Variants in DLGAP1 observed in about 807,000 individuals in gnomAD.
The protein encoded by DLGAP1 is DLG associated protein 1.
A neutral mutation model predicts 90.8 loss-of-function variants in DLGAP1; 11 were observed. That is an observed-to-expected ratio of 0.12 (90% CI 0.08 to 0.20). The LOEUF (loss-of-function observed/expected upper bound fraction) is 0.20, where lower values mean the gene tolerates loss of function less well. Among genes scored for constraint, DLGAP1 ranks in the 10% least tolerant of loss-of-function variants. DLGAP1 has a pLI of 1.00. For synonymous variants in DLGAP1, 558 were observed against 540.7 expected, an observed-to-expected ratio of 1.03 and a Z score of -0.44; for missense variants, 1,050 against 1,333.8, an observed-to-expected ratio of 0.79 and a Z score of 3.31.
At chr18:3,644,331 G>A (rs779835633) in intron 7 of DLGAP1, among the ~76,000 whole-genome samples, 3 of 152,188 alleles carry the variant, frequency 2.0e-5, no homozygotes, top group East Asian at 3.9e-4. Flanking sequence ...CTTTGACCTC[G>A]TAACTCCACT....
At chr18:3,930,320 T>C (rs927922663) in intron 3 of DLGAP1, among the ~76,000 whole-genome samples, 2 of 152,244 alleles carry the variant, frequency 1.3e-5, no homozygotes. Context: ...TACTGTGCTA[T>C]GCTCACTGCT....
chr18:4,389,274 T>A (rs565856979), intron 1 of DLGAP1, among the ~76,000 whole-genome samples: 1 of 152,332 alleles, frequency 6.6e-6, no homozygotes, highest in African/African-American at 2.4e-5. Context: ...AGATGAATAC[T>A]TTATGATTCT....
intron 1 of DLGAP1, among the ~76,000 whole-genome samples, chr18:4,207,438 G>A (rs1426448079): frequency 6.6e-6 from 1 of 152,184 alleles, no homozygotes; most frequent in Non-Finnish European, 1.5e-5. Context: ...TACAATTCAA[G>A]ATGCGATTTG....
rs1281982748 is a variant in DLGAP1, at chr18:3,775,231, TCTC to T, written c.1173-32722_1173-32720del. Among the ~76,000 whole-genome samples the T allele has an allele frequency of 6.6e-6, 1 of 152,164 alleles. No homozygotes were observed. The highest frequency in any genetic ancestry group is 2.4e-5 in the African/African-American group (1 of 41,434). On this transcript the variant is annotated intron_variant, in intron 5 of 12. Coordinates refer to ENST00000315677, the MANE Select transcript of DLGAP1 (RefSeq NM_004746.4). The surrounding 1 kb of genome is among the most constrained non-coding windows in gnomAD (Gnocchi z 4.9). ...TCCCACTGGGTTATTTTGTAACAATTCTCCTTCCATTCCCCTGTGTTATGCACA... is the reference window on the plus strand; with the variant it reads ...TCCCACTGGGTTATTTTGTAACAATTCTTCCATTCCCCTGTGTTATGCACA...
chr18:3,916,461 C>T (rs979489643), intron 3 of DLGAP1, among the ~76,000 whole-genome samples: 3 of 152,204 alleles, frequency 2.0e-5, no homozygotes, highest in Non-Finnish European at 2.9e-5. Context: ...CTCGGTTCCA[C>T]TCCTCTCAGA....
Position 4,348,532 on chromosome 18 carries a change from T to C in DLGAP1, c.-267+106474A>G, listed in dbSNP as rs2081345875. 2.0e-5 allele frequency among the ~76,000 whole-genome samples: 3 copies of C among 151,972 alleles called. No homozygotes were observed. The South Asian group carries it at 6.2e-4, about 32-fold the overall frequency. On this transcript the variant is annotated intron_variant, in intron 1 of 12. Transcript: ENST00000315677. ...GCTCTGTCAGGTGACCTAGAAGCAATGGCAGAAGAGCAATGAGCACATCTA... is the reference window on the plus strand; with the variant it reads ...GCTCTGTCAGGTGACCTAGAAGCAACGGCAGAAGAGCAATGAGCACATCTA...
intron 9 of DLGAP1, among the ~76,000 whole-genome samples, chr18:3,566,097 C>G (rs925949738): frequency 2.0e-5 from 3 of 150,364 alleles, no homozygotes; most frequent in African/African-American, 5.0e-5. Flanking sequence ...TGGTGAGGTG[C>G]TATAAATTAC....
At chr18:4,322,943 GAAAAAAAAA>G (rs60113288) in intron 1 of DLGAP1, among the ~76,000 whole-genome samples, 556 of 97,618 alleles carry the variant, frequency 5.7e-3, no homozygotes, top group Admixed American at 8.4e-3. Context: ...CCTGGGCACA[GAAAAAAAAA>G]AAAAAAAAAA....
At chr18:3,890,710 T>G (rs2071436797) in intron 3 of DLGAP1, among the ~76,000 whole-genome samples, 1 of 152,226 alleles carries the variant, frequency 6.6e-6, no homozygotes, top group Non-Finnish European at 1.5e-5. Flanking sequence ...GTTTCTGGAT[T>G]AAAGTATTTT....
intron 1 of DLGAP1, among the ~76,000 whole-genome samples, chr18:4,366,744 T>C (rs949619965): frequency 9.9e-5 from 15 of 151,812 alleles, no homozygotes; most frequent in African/African-American, 3.6e-4. Context: ...AGCCTGTGGG[T>C]TACCTTTACA....
chr18:4,218,451 T>C (rs2078005158), intron 1 of DLGAP1, among the ~76,000 whole-genome samples: 1 of 151,998 alleles, frequency 6.6e-6, no homozygotes, highest in African/African-American at 2.4e-5. Context: ...CTCATATAAC[T>C]TATCTTTTTT....
intron 1 of DLGAP1, among the ~76,000 whole-genome samples, chr18:4,393,671 T>C (rs2082382093): frequency 6.6e-6 from 1 of 152,340 alleles, no homozygotes; most frequent in South Asian, 2.1e-4. Flanking sequence ...ACATCTGCTT[T>C]ACTCTTTTAC....
chr18:3,554,181 A>C (rs2053625775), intron 9 of DLGAP1, among the ~76,000 whole-genome samples: 1 of 152,140 alleles, frequency 6.6e-6, no homozygotes, highest in Non-Finnish European at 1.5e-5. Flanking sequence ...CCTGGGGACC[A>C]TCAAAAGGAT....
chr18:4,239,566 C>T (rs750026961), intron 1 of DLGAP1, among the ~76,000 whole-genome samples: 32 of 152,132 alleles, frequency 2.1e-4, no homozygotes, highest in Non-Finnish European at 4.3e-4. Context: ...GTACCAAATA[C>T]TGCTTTAAAA....
intron 7 of DLGAP1, among the ~76,000 whole-genome samples, chr18:3,723,087 G>C (rs995375930): frequency 2.0e-4 from 30 of 152,282 alleles, no homozygotes; most frequent in Admixed American, 1.8e-3. Context: ...TCTCTGTAAA[G>C]GGCCACATCA....
At chr18:4,265,292 T>C (rs2079086507) in intron 1 of DLGAP1, among the ~76,000 whole-genome samples, 1 of 151,766 alleles carries the variant, frequency 6.6e-6, no homozygotes, top group Non-Finnish European at 1.5e-5. Context: ...CCTCAGCCTC[T>C]GGAATAGCTG....
chr18:4,147,475 A>G (rs2076603356), intron 2 of DLGAP1, among the ~76,000 whole-genome samples: 1 of 152,152 alleles, frequency 6.6e-6, no homozygotes, highest in Non-Finnish European at 1.5e-5. Flanking sequence ...AAGGAAAACC[A>G]CCTTTCTCTA....
intron 2 of DLGAP1, among the ~76,000 whole-genome samples, chr18:4,028,028 A>G (rs574985596): frequency 3.9e-5 from 6 of 152,222 alleles, no homozygotes; most frequent in South Asian, 4.1e-4. Flanking sequence ...TTCAATCTGG[A>G]GAAAGATAAA....
intron 5 of DLGAP1, among the ~76,000 whole-genome samples, chr18:3,762,351 C>T (rs1371506620): frequency 1.3e-5 from 2 of 152,144 alleles, no homozygotes; most frequent in Non-Finnish European, 2.9e-5. Context: ...TAAATTGTAC[C>T]AGGCAGCCCA....
Sources: allele counts gnomAD v4.1 joint callset (sites outside exome capture counted in the v4.1 genomes callset), GRCh38; gene constraint gnomAD v4.1.1; non-coding constraint Gnocchi (gnomAD v3.1); transcripts MANE v1.5; gene names NCBI Gene and HGNC (gene_info 2026-07-23, HGNC 2026-07-21).